PC: variants seen among roughly 807,000 people sequenced by gnomAD.
PC encodes pyruvate carboxylase, mitochondrial.
In PC, 46 loss-of-function variants were observed where a neutral mutation model predicts 107.8. That is an observed-to-expected ratio of 0.43 (90% CI 0.34 to 0.55). PC has a LOEUF of 0.55. Among genes scored for constraint, PC ranks in the 20% least tolerant of loss-of-function variants. The pLI is 0.04. For synonymous variants in PC, 662 were observed against 684.7 expected (o/e 0.97, Z 0.52); for missense variants, 1,241 against 1,643.1 (o/e 0.76, Z 4.23).
intron 12 of PC, among the ~76,000 whole-genome samples, chr11:66,861,054 T>C (rs928053301): frequency 6.6e-5 from 10 of 152,216 alleles, no homozygotes; most frequent in African/African-American, 2.2e-4. Flanking sequence ...TCTGGAAGGT[T>C]CCTGTCAGAA....
intron 3 of PC, among the ~76,000 whole-genome samples, chr11:66,909,451 C>A (rs1253907707): frequency 6.6e-6 from 1 of 152,218 alleles, no homozygotes; most frequent in Admixed American, 6.5e-5. Context: ...CGCTCCCCCC[C>A]GAAGAGAAGC....
At chr11:66,922,198 G>A (rs984220628) in intron 3 of PC, among the ~76,000 whole-genome samples, 1 of 152,186 alleles carries the variant, frequency 6.6e-6, no homozygotes, top group African/African-American at 2.4e-5. Flanking sequence ...GACAGCTACA[G>A]ACAGTTGAAC....
chr11:66,938,951 G>T (rs1949061323), intron 3 of PC, among the ~76,000 whole-genome samples: 1 of 152,178 alleles, frequency 6.6e-6, no homozygotes, highest in South Asian at 2.1e-4. Flanking sequence ...AACTGGAATT[G>T]CTGTGTTAAA....
At chr11:66,934,684 T>G (rs1394471026) in intron 3 of PC, among the ~76,000 whole-genome samples, 1 of 152,138 alleles carries the variant, frequency 6.6e-6, no homozygotes, top group Non-Finnish European at 1.5e-5. Flanking sequence ...CAGGCTGGGG[T>G]GCAATGGCAC....
chr11:66,859,808 C>T lies in PC; in HGVS notation c.1368+3966G>A, dbSNP rs747427535. On this transcript the variant is annotated intron_variant, in intron 12 of 22. Transcript: ENST00000393960. ...CGCTGCCGGCCTCGCCCCTGTGCCA[C>T]GCCCTGCAGGCCCACGTGCTGGGCG... The T allele has an allele frequency of 8.2e-6, 13 of 1,588,684 alleles. No homozygotes were observed. In the Admixed American group the frequency reaches 1.0e-4, roughly 13 times the overall value.
chr11:66,853,242 G>A lies in PC; in HGVS notation c.1510C>T (p.Leu504Phe). 6.2e-7 allele frequency: 1 copy of A among 1,613,994 alleles called. No homozygotes were observed. Among genetic ancestry groups the A allele is most frequent in the Non-Finnish European group, 8.5e-7 (1 of 1,179,976 alleles). ...GCAGGGCAGTCTCGGGCCAGACCGAGGTAGTGCAACAGCTTTTGGGCCCGG... is the reference window on the plus strand; with the variant it reads ...GCAGGGCAGTCTCGGGCCAGACCGAAGTAGTGCAACAGCTTTTGGGCCCGG... ...QNRAQKLLHYLGHVMVNGPTT... is the reference protein window; with the variant it reads ...QNRAQKLLHYFGHVMVNGPTT... Residue 504 changes from leucine (L) to phenylalanine (F), a missense_variant, in exon 13 of 23, where the codon CTC becomes TTC. Physicochemically the swap from Leu to Phe is conservative, Grantham distance 22. Around this residue, in one of 2 missense-constraint regions of PC, gnomAD observed 1,143 missense variants for 1,551.9 expected, o/e 0.74. Coordinates refer to ENST00000393960, the MANE Select transcript of PC (RefSeq NM_001040716.2).
In PC at chr11:66,857,371, G is replaced by A. The variant is rs1945926200; in HGVS notation, c.1369-3988C>T. On this transcript the variant is annotated intron_variant, in intron 12 of 22. Coordinates refer to ENST00000393960, the MANE Select transcript of PC (RefSeq NM_001040716.2). This position sits in a 1 kb window ranked among gnomAD's most constrained non-coding sequence, Gnocchi z 7.1. ...GGACTCCACGGGAGGTTCGGGGGGC[G>A]CCTTCTCTGGCGGGGGAGGGTATGG... The A allele has an allele frequency of 1.0e-5, 2 of 193,770 alleles. No homozygotes were observed. The highest frequency in any genetic ancestry group is 2.3e-5 in the African/African-American group (1 of 42,762). The allele number at this position is 193,770 out of a possible 1,614,324, so 12.0% of individuals were successfully genotyped here.
rs1008827866 is a variant in PC at position 66,871,628 on chromosome 11, G to A, written c.321+59C>T. ...AGCACGCCAGCCTCAAGAGACCCCC[G>A]CGGCAACTAAGACTCCCTGGTCCCT... On this transcript the variant is annotated intron_variant, in intron 5 of 22. Coordinates refer to ENST00000393960, the MANE Select transcript of PC (RefSeq NM_001040716.2). This position sits in a 1 kb window ranked among gnomAD's most constrained non-coding sequence, Gnocchi z 7.4. 29 of 1,561,470 alleles carry A rather than the reference G, an allele frequency of 1.9e-5. No individual in the cohort carries two copies. In the East Asian group the frequency reaches 4.3e-4, roughly 23 times the overall value.
intron 3 of PC, among the ~76,000 whole-genome samples, chr11:66,937,260 T>A (rs1949022528): frequency 6.6e-6 from 1 of 152,264 alleles, no homozygotes; most frequent in African/African-American, 2.4e-5. Context: ...AAAAGTCCAA[T>A]AATTACAGTT....
Position 66,852,461 on chromosome 11 carries a change from G to A in PC, c.1803C>T (p.Leu601=). Residue 601 remains leucine (L), a synonymous_variant, in exon 15 of 23, where the codon CTC becomes CTT. Transcript: ENST00000393960. This position sits in a 1 kb window ranked among gnomAD's most constrained non-coding sequence, Gnocchi z 4.7. ...APYVAHNFSK[L]FSMENWGGAT... ...TACCTCCCCAGTTCTCCATGCTGAA[G>A]AGCTTGCTGAAGTTGTGGGCAACAT... 1 of 1,614,026 alleles carries A rather than the reference G, an allele frequency of 6.2e-7. No individual in the cohort carries two copies. The highest frequency in any genetic ancestry group is 1.3e-5 in the African/African-American group (1 of 75,064).
chr11:66,955,456 G>A (rs1009000514), intron 1 of PC, among the ~76,000 whole-genome samples: 96 of 152,188 alleles, frequency 6.3e-4, no homozygotes, highest in African/African-American at 2.2e-3. Context: ...TCTTGGAGGT[G>A]AGGACTGGCA....
At chr11:66,916,730 G>A (rs531424794) in intron 3 of PC, among the ~76,000 whole-genome samples, 2 of 152,138 alleles carry the variant, frequency 1.3e-5, no homozygotes, top group East Asian at 2.0e-4. Context: ...CGAGGCGTGC[G>A]GATCACGAGG....
rs374682909 is a variant in PC, at chr11:66,849,269, C to T, written c.3249G>A (p.Gln1083=). Residue 1083 remains glutamine, a synonymous_variant, in exon 22 of 23, where the codon CAG becomes CAA. Coordinates refer to ENST00000393960, the MANE Select transcript of PC (RefSeq NM_001040716.2). ...TGTCCTTGACCAAGATGGACCGCAG[C>T]TGCCCATTGAGCTCAAAGAAGACCT... The part of the protein sequence containing the change: ...QRQVFFELNG[Q]LRSILVKDTQ... 3 of 1,613,662 alleles carry T rather than the reference C, an allele frequency of 1.9e-6. No individual in the cohort carries two copies. Among genetic ancestry groups the T allele is most frequent in the South Asian group, 2.2e-5 (2 of 91,084 alleles).
chr11:66,949,310 AATAG>A (rs1392552530), intron 3 of PC, among the ~76,000 whole-genome samples: 7 of 152,072 alleles, frequency 4.6e-5, no homozygotes, highest in African/African-American at 7.2e-5. Context: ...GAATTATTAA[AATAG>A]TTAACTGAAG....
At chr11:66,946,410 C>T (rs1949293129) in intron 3 of PC, among the ~76,000 whole-genome samples, 1 of 152,086 alleles carries the variant, frequency 6.6e-6, no homozygotes, top group South Asian at 2.1e-4. Flanking sequence ...GCGGGCAGAT[C>T]ACAAGGTCGG....
intron 17 of PC, 37 bp downstream of exon 17, chr11:66,851,003 G>T: frequency 6.2e-7 from 1 of 1,610,566 alleles, no homozygotes. Flanking sequence ...GACATGGCCG[G>T]GGCAGAGAGG....
chr11:66,907,365 G>A (rs992074767), intron 3 of PC, among the ~76,000 whole-genome samples: 5 of 152,152 alleles, frequency 3.3e-5, no homozygotes, highest in South Asian at 2.1e-4. Flanking sequence ...CCGTCTCTAC[G>A]AAAAATACAA....
intron 12 of PC, chr11:66,859,806 C>A (rs1184812891): frequency 1.3e-6 from 2 of 1,589,306 alleles, no homozygotes; most frequent in Non-Finnish European, 8.6e-7. Flanking sequence ...GCCCCTGTGC[C>A]ACGCCCTGCA....
intron 12 of PC, 79 bp downstream of exon 12, chr11:66,863,695 G>A: frequency 4.8e-6 from 7 of 1,451,642 alleles, no homozygotes; most frequent in Non-Finnish European, 6.6e-6. Context: ...CATGTGCAAG[G>A]CCCTTGGTGG....
Sources: allele counts gnomAD v4.1 joint callset (sites outside exome capture counted in the v4.1 genomes callset), GRCh38; gene constraint gnomAD v4.1.1; regional missense constraint gnomAD v4.1.1; non-coding constraint Gnocchi (gnomAD v3.1); transcripts MANE v1.5; gene names NCBI Gene and HGNC (gene_info 2026-07-23, HGNC 2026-07-21).